LSAMP: variants seen among roughly 807,000 people sequenced by gnomAD.
LSAMP encodes the protein limbic system associated membrane protein.
LSAMP carries 7 observed loss-of-function variants against 38.6 expected under a neutral mutation model. The ratio of observed to expected loss-of-function variants is 0.18; its 90% CI spans 0.10 to 0.34. LSAMP has a LOEUF of 0.34. Among genes scored for constraint, LSAMP ranks in the 10% least tolerant of loss-of-function variants. LSAMP has a pLI of 1.00. For missense variants in LSAMP, 313 were observed against 420.0 expected, an observed-to-expected ratio of 0.75 and a Z score of 2.23; for synonymous variants, 154 against 166.8, an observed-to-expected ratio of 0.92 and a Z score of 0.59.
chr3:116,131,071 A>G (rs1709118586), intron 1 of LSAMP, among the ~76,000 whole-genome samples: 1 of 149,352 alleles, frequency 6.7e-6, no homozygotes, highest in African/African-American at 2.5e-5. Flanking sequence ...GCTCACTGCA[A>G]GCTCCATCTC....
intron 1 of LSAMP, among the ~76,000 whole-genome samples, chr3:116,415,111 T>G (rs1041504452): frequency 1.3e-5 from 2 of 152,116 alleles, no homozygotes; most frequent in African/African-American, 4.8e-5. Context: ...TCTGCTTAAT[T>G]TGAAGATGCT....
At chr3:116,067,757 C>T (rs1707495493) in intron 2 of LSAMP, among the ~76,000 whole-genome samples, 1 of 151,932 alleles carries the variant, frequency 6.6e-6, no homozygotes, top group African/African-American at 2.4e-5. Flanking sequence ...TCTTGATGTA[C>T]ACCTTTCTGT....
intron 1 of LSAMP, among the ~76,000 whole-genome samples, chr3:116,137,696 A>G (rs1709282133): frequency 6.6e-6 from 1 of 152,164 alleles, no homozygotes; most frequent in South Asian, 2.1e-4. Flanking sequence ...GTTTGAATCA[A>G]GACAGAAAAA....
At chr3:115,988,426 T>C (rs762011606) in intron 3 of LSAMP, among the ~76,000 whole-genome samples, 3 of 152,072 alleles carry the variant, frequency 2.0e-5, no homozygotes, top group Non-Finnish European at 4.4e-5. Context: ...GGGTAGGGAA[T>C]AGAATGTCTG....
At chr3:116,215,225 A>G (rs1439658091) in intron 1 of LSAMP, among the ~76,000 whole-genome samples, 1 of 152,188 alleles carries the variant, frequency 6.6e-6, no homozygotes, top group Non-Finnish European at 1.5e-5. Context: ...GTCAACTGTG[A>G]GATGCTCTTC....
chr3:116,366,243 T>C (rs891987658), intron 1 of LSAMP, among the ~76,000 whole-genome samples: 1 of 151,986 alleles, frequency 6.6e-6, no homozygotes, highest in Admixed American at 6.6e-5. Context: ...AAAACATACA[T>C]GTGGCCAACA....
chr3:116,309,780 G>T (rs2107715435), intron 1 of LSAMP, among the ~76,000 whole-genome samples: 1 of 152,262 alleles, frequency 6.6e-6, no homozygotes, highest in East Asian at 1.9e-4. Context: ...AAGGTGATTG[G>T]ATGATGAAAA....
At position 115,931,631 on chromosome 3, in the gene LSAMP, T is replaced by C. The variant is rs372169834; in HGVS notation, c.515-79014A>G. Reference sequence around the variant, plus strand: ...TTAAAACTATGGAAAAGATCTCTCATGCAAATGTTTAAATTGATTTCAGGA... The same window carrying C: ...TTAAAACTATGGAAAAGATCTCTCACGCAAATGTTTAAATTGATTTCAGGA... On this transcript the variant is annotated intron_variant, in intron 3 of 6. Transcript: ENST00000490035. Among the ~76,000 whole-genome samples the C allele has an allele frequency of 5.3e-4, 80 of 152,332 alleles. 1 individual carries two copies. The East Asian group carries it at 9.1e-3, about 17-fold the overall frequency.
At chr3:116,200,623 G>C (rs76986169) in intron 1 of LSAMP, among the ~76,000 whole-genome samples, 1 of 152,158 alleles carries the variant, frequency 6.6e-6, no homozygotes, top group African/African-American at 2.4e-5. Flanking sequence ...ACCCAGTTCC[G>C]TTTAAAACCC....
rs143751711 is a variant in LSAMP, at chr3:116,019,584, C to G, written c.445G>C (p.Val149Leu). 8 of 1,612,926 alleles carry G rather than the reference C, an allele frequency of 5.0e-6. No homozygotes were observed. The highest frequency in any genetic ancestry group is 6.8e-6 in the Non-Finnish European group (8 of 1,179,186). Reference sequence around the variant, plus strand: ...CCATTGGCCATGCAGACCAGAGTCACGTTGCTGCCCTCATTCACAGTGACA... The same window carrying G: ...CCATTGGCCATGCAGACCAGAGTCAGGTTGCTGCCCTCATTCACAGTGACA... The part of the protein sequence containing the change: ...SDVTVNEGSN[V>L]TLVCMANGRP... The change falls in exon 3 of 7, where the codon GTG becomes CTG. Residue 149 changes from valine (V) to leucine (L), a missense_variant. Transcript: ENST00000490035.
At chr3:115,923,879 C>G (rs1244195707) in intron 3 of LSAMP, among the ~76,000 whole-genome samples, 1 of 152,140 alleles carries the variant, frequency 6.6e-6, no homozygotes, top group Non-Finnish European at 1.5e-5. Context: ...ATTCATATAA[C>G]ATTGTATTAT....
At chr3:116,041,228 A>G (rs1317081199) in intron 2 of LSAMP, among the ~76,000 whole-genome samples, 2 of 152,174 alleles carry the variant, frequency 1.3e-5, no homozygotes, top group Non-Finnish European at 2.9e-5. Flanking sequence ...CTGATCCTAC[A>G]TATTTTTAAG....
At chr3:115,934,667 A>G in intron 3 of LSAMP, among the ~76,000 whole-genome samples, 1 of 152,106 alleles carries the variant, frequency 6.6e-6, no homozygotes, top group East Asian at 1.9e-4. Context: ...AAATGAGAAA[A>G]TTTATTTTCT....
chr3:115,839,902 A>T (rs1409383489), intron 6 of LSAMP, among the ~76,000 whole-genome samples: 1 of 152,208 alleles, frequency 6.6e-6, no homozygotes, highest in African/African-American at 2.4e-5. Flanking sequence ...AAGATTCTTG[A>T]CATTTCTCAA....
At chr3:116,159,362 A>C (rs892991022) in intron 1 of LSAMP, among the ~76,000 whole-genome samples, 1 of 152,228 alleles carries the variant, frequency 6.6e-6, no homozygotes, top group Non-Finnish European at 1.5e-5. Context: ...TGCATCTGAC[A>C]AACATTTGAT....
intron 3 of LSAMP, among the ~76,000 whole-genome samples, chr3:115,868,108 T>G (rs555029403): frequency 6.6e-6 from 1 of 152,310 alleles, no homozygotes; most frequent in African/African-American, 2.4e-5. Context: ...TCAAGGCATC[T>G]TCTGCACATC....
chr3:116,093,450 C>T (rs1314768820), intron 1 of LSAMP, among the ~76,000 whole-genome samples: 1 of 152,154 alleles, frequency 6.6e-6, no homozygotes, highest in Non-Finnish European at 1.5e-5. Context: ...TTTTCATAGG[C>T]TTATGCTTTT....
At chr3:116,106,718 G>A (rs548491271) in intron 1 of LSAMP, among the ~76,000 whole-genome samples, 5 of 152,196 alleles carry the variant, frequency 3.3e-5, no homozygotes, top group East Asian at 1.9e-4. Context: ...AAATGACTGC[G>A]GTGGCCTTCT....
In LSAMP at chr3:116,307,838, G is replaced by A. The variant is rs531473728; in HGVS notation, c.155+137039C>T. Among the ~76,000 whole-genome samples the A allele has an allele frequency of 6.4e-4, 97 of 151,864 alleles. 1 individual carries two copies. The highest frequency in any genetic ancestry group is 6.2e-4 in the South Asian group (3 of 4,810). On this transcript the variant is annotated intron_variant, in intron 1 of 6. Coordinates refer to ENST00000490035, the MANE Select transcript of LSAMP (RefSeq NM_002338.5). ...AGCATTATAACCACTATGTGATTAA[G>A]AGCAAAATTGCTGAAATCTGGCTGT...
Sources: gnomAD v4.1 joint callset for allele counts (sites outside exome capture counted in the v4.1 genomes callset) on GRCh38, gnomAD v4.1.1 for gene constraint, MANE v1.5 for transcripts, NCBI Gene and HGNC (gene_info 2026-07-23, HGNC 2026-07-21) for gene names.